ZIC4: variants seen among roughly 807,000 people sequenced by gnomAD.
The protein encoded by ZIC4 is Zic family zinc finger 4, also known as zinc finger protein ZIC 4.
A neutral mutation model predicts 28.8 loss-of-function variants in ZIC4; 15 were observed. That is an observed-to-expected ratio of 0.52 (90% CI 0.35 to 0.80). ZIC4 has a LOEUF of 0.80. Ranked by LOEUF, ZIC4 falls within the 30% of genes least tolerant of loss-of-function variation. ZIC4 has a pLI of 0.01. For synonymous variants in ZIC4, 220 were observed against 198.1 expected, an observed-to-expected ratio of 1.11 and a Z score of -0.93; for missense variants, 512 against 467.1, an observed-to-expected ratio of 1.10 and a Z score of -0.89.
chr3:147,388,773 G>A lies in ZIC4; in HGVS notation c.*86C>T. The stretch of plus-strand genomic sequence containing the variant: ...CCGTGGCGAAGAAACACTGCTTTGT[G>A]CGCGGGCCCTTTGATGTAGCAGGCG... On this transcript the variant is annotated 3_prime_UTR_variant, in exon 5 of 5. Coordinates refer to ENST00000383075, the MANE Select transcript of ZIC4 (RefSeq NM_032153.6). 1.3e-6 allele frequency: 1 copy of A among 754,806 alleles called. No individual in the cohort carries two copies. The highest frequency in any genetic ancestry group is 1.7e-5 in the African/African-American group (1 of 57,668). 46.8% of individuals were successfully genotyped at this position (754,806 alleles called of 1,614,324 possible). A position where few individuals can be genotyped will look rare whatever the true frequency, so the allele number is the denominator to read the frequency against.
intron 2 of ZIC4, among the ~76,000 whole-genome samples, chr3:147,398,315 C>T (rs1367770552): frequency 7.9e-5 from 12 of 152,208 alleles, no homozygotes; most frequent in Non-Finnish European, 1.5e-5. Context: ...TCTGCTTCCT[C>T]CTACCTCGTC....
At chr3:147,392,577 G>A in intron 3 of ZIC4, 1 of 335,368 alleles carries the variant, frequency 3.0e-6, no homozygotes, top group South Asian at 1.2e-4. Flanking sequence ...TGAGTTAAGG[G>A]ACCGGCTACC....
rs962082528 is a variant in ZIC4 at position 147,386,204 on chromosome 3, T to A, written c.*2655A>T. The A allele has an allele frequency of 6.6e-6, 1 of 152,266 alleles. No individual in the cohort carries two copies. 9.4% of individuals were successfully genotyped at this position (152,266 alleles called of 1,614,324 possible). ...GATCAAGCCATGGCTTTCAACTTTG[T>A]TGTTCATTCAACAATCACTTTCAGT... On this transcript the variant is annotated 3_prime_UTR_variant, in exon 5 of 5. Transcript: ENST00000383075.
At position 147,396,717 on chromosome 3, in the gene ZIC4, C is replaced by A. The variant is rs1357595179; in HGVS notation, c.71-248G>T. 4.4e-6 allele frequency: 2 copies of A among 455,062 alleles called. No homozygotes were observed. Among genetic ancestry groups the A allele is most frequent in the East Asian group, 3.3e-5 (1 of 30,014 alleles). The allele number at this position is 455,062 out of a possible 1,614,324, so 28.2% of individuals were successfully genotyped here. On this transcript the variant is annotated intron_variant, in intron 2 of 4. Coordinates refer to ENST00000383075, the MANE Select transcript of ZIC4 (RefSeq NM_032153.6). The surrounding 1 kb of genome is among the most constrained non-coding windows in gnomAD (Gnocchi z 4.2). ...GCCATGAGCTAGAGAGGGATGGTAG[C>A]GGCAGAGTAGATGTAAGGGGTAATG... is the stretch of plus-strand genomic sequence containing the variant.
chr3:147,393,232 C>G (rs964795805), intron 3 of ZIC4, among the ~76,000 whole-genome samples: 1 of 151,812 alleles, frequency 6.6e-6, no homozygotes, highest in Non-Finnish European at 1.5e-5. Flanking sequence ...TCGCTCCAGA[C>G]GAGGAGCAGA....
At chr3:147,397,026 C>A (rs911025873) in intron 2 of ZIC4, 2 of 152,374 alleles carry the variant, frequency 1.3e-5, no homozygotes, top group Non-Finnish European at 2.9e-5. Flanking sequence ...ACACCACTGC[C>A]ACCTGACAGT....
At chr3:147,401,387 G>T (rs961567609) in intron 2 of ZIC4, among the ~76,000 whole-genome samples, 2 of 152,196 alleles carry the variant, frequency 1.3e-5, no homozygotes, top group African/African-American at 2.4e-5. Flanking sequence ...AATGATGATT[G>T]TTTATTGTAA....
chr3:147,395,828 C>G, intron 3 of ZIC4, 24 bp downstream of exon 3: 2 of 1,590,418 alleles, frequency 1.3e-6, no homozygotes, highest in Non-Finnish European at 1.7e-6. Flanking sequence ...GGTCCGCACG[C>G]GACAGACAGC....
chr3:147,391,575 C>T, intron 3 of ZIC4: 1 of 238,832 alleles, frequency 4.2e-6, no homozygotes, highest in Non-Finnish European at 8.0e-6. Flanking sequence ...AAATTTTCTC[C>T]ACTTGGAACC....
chr3:147,397,991 A>G (rs1425269153), intron 2 of ZIC4, among the ~76,000 whole-genome samples: 1 of 151,946 alleles, frequency 6.6e-6, no homozygotes, highest in African/African-American at 2.4e-5. Flanking sequence ...GCGAAACTCA[A>G]GGATCTGGCC....
At chr3:147,405,358 C>T (rs771410580) in intron 1 of ZIC4, 13 of 1,530,872 alleles carry the variant, frequency 8.5e-6, no homozygotes, top group Middle Eastern at 1.7e-4. Flanking sequence ...TGTCGGAAAG[C>T]GGGGAAAACA....
chr3:147,397,573 T>C (rs776143483), intron 2 of ZIC4, among the ~76,000 whole-genome samples: 9 of 151,986 alleles, frequency 5.9e-5, no homozygotes, highest in African/African-American at 1.5e-4. Flanking sequence ...GGCTGGGTTA[T>C]GCCACCATTC....
In ZIC4 at chr3:147,388,793, C is replaced by T. The variant is rs1576452984; in HGVS notation, c.*66G>A. 1.3e-6 allele frequency: 1 copy of T among 766,164 alleles called. No individual in the cohort carries two copies. The allele number at this position is 766,164 out of a possible 1,614,324, so 47.5% of individuals were successfully genotyped here. A position where few individuals can be genotyped will look rare whatever the true frequency, so the allele number is the denominator to read the frequency against. On this transcript the variant is annotated 3_prime_UTR_variant, in exon 5 of 5. Transcript: ENST00000383075. Reference sequence around the variant, plus strand: ...TTTGTGCGCGGGCCCTTTGATGTAGCAGGCGCGAGATGCGGGGCGCTCAGC... The same window carrying T: ...TTTGTGCGCGGGCCCTTTGATGTAGTAGGCGCGAGATGCGGGGCGCTCAGC...
chr3:147,400,671 G>C (rs900611992), intron 2 of ZIC4, among the ~76,000 whole-genome samples: 1 of 152,216 alleles, frequency 6.6e-6, no homozygotes, highest in Non-Finnish European at 1.5e-5. Context: ...GGATCTTCAA[G>C]GTATATCTTT....
chr3:147,393,866 C>G (rs2086980938), intron 3 of ZIC4: 1 of 456,470 alleles, frequency 2.2e-6, no homozygotes, highest in Non-Finnish European at 4.4e-6. Flanking sequence ...CACCATTGTT[C>G]CGGGATCGCT....
chr3:147,403,889 T>C, intron 1 of ZIC4: 4 of 1,405,784 alleles, frequency 2.8e-6, no homozygotes, highest in Non-Finnish European at 3.8e-6. Flanking sequence ...GAATTCCAAC[T>C]GGCTTGGCGG....
intron 1 of ZIC4, chr3:147,405,586 G>T: frequency 9.1e-7 from 1 of 1,096,984 alleles, no homozygotes; most frequent in Non-Finnish European, 1.3e-6. Context: ...TAGGCTAGGG[G>T]CCAGAATCCT....
At chr3:147,400,411 T>A (rs939718960) in intron 2 of ZIC4, among the ~76,000 whole-genome samples, 6 of 152,234 alleles carry the variant, frequency 3.9e-5, no homozygotes, top group Admixed American at 3.3e-4. Flanking sequence ...GAGAGTAGGC[T>A]GGCCCCATGG....
Position 147,388,400 on chromosome 3 carries a change from A to T in ZIC4, c.*459T>A, listed in dbSNP as rs1018136973. 2 of 171,346 alleles carry T rather than the reference A, an allele frequency of 1.2e-5. No individual in the cohort carries two copies. The highest frequency in any genetic ancestry group is 1.2e-5 in the Non-Finnish European group (1 of 81,146). The allele number at this position is 171,346 out of a possible 1,614,324, so 10.6% of individuals were successfully genotyped here. A position where few individuals can be genotyped will look rare whatever the true frequency, so the allele number is the denominator to read the frequency against. On this transcript the variant is annotated 3_prime_UTR_variant, in exon 5 of 5. Coordinates refer to ENST00000383075, the MANE Select transcript of ZIC4 (RefSeq NM_032153.6). ...ACAAACCATTTCCTCGCCTTTAGAA[A>T]CTCGCCATCAAACCCAAACGCGCCC...
Sources: allele counts gnomAD v4.1 joint callset (sites outside exome capture counted in the v4.1 genomes callset), GRCh38; gene constraint gnomAD v4.1.1; non-coding constraint Gnocchi (gnomAD v3.1); transcripts MANE v1.5; gene names NCBI Gene and HGNC (gene_info 2026-07-23, HGNC 2026-07-21).